SUMF1: variants seen among roughly 807,000 people sequenced by gnomAD.
SUMF1 encodes the protein sulfatase modifying factor 1.
Under a neutral mutation model 47.6 loss-of-function variants are expected in SUMF1, and 48 were observed. The ratio of observed to expected loss-of-function variants is 1.01; its 90% CI spans 0.80 to 1.28. The LOEUF (loss-of-function observed/expected upper bound fraction) is 1.28, where lower values mean the gene tolerates loss of function less well. SUMF1 is among the 50% of genes most tolerant of loss of function. The pLI, the probability that SUMF1 is intolerant of heterozygous loss-of-function variation, is 0.00. For synonymous variants in SUMF1, 230 were observed against 192.1 expected, an observed-to-expected ratio of 1.20 and a Z score of -1.63; for missense variants, 571 against 485.4, an observed-to-expected ratio of 1.18 and a Z score of -1.66.
intron 8 of SUMF1, among the ~76,000 whole-genome samples, chr3:4,226,264 C>CTTTTTTTTTTTTTTTTTTT (rs869300368): frequency 4.6e-5 from 4 of 86,988 alleles, no homozygotes; most frequent in African/African-American, 9.0e-5. Flanking sequence ...TTTTTTGTTT[C>CTTTTTTTTTTTTTTTTTTT]TTTTTTTTTT....
chr3:4,316,051 A>G (rs1378415042), intron 8 of SUMF1, among the ~76,000 whole-genome samples: 11 of 151,062 alleles, frequency 7.3e-5, no homozygotes, highest in Admixed American at 3.3e-4. Context: ...TGTCTCAAAA[A>G]AAAAAAAAAA....
chr3:4,265,895 T>C (rs1390508284), intron 8 of SUMF1, among the ~76,000 whole-genome samples: 2 of 152,130 alleles, frequency 1.3e-5, no homozygotes, highest in African/African-American at 2.4e-5. Context: ...CCATCTTGAA[T>C]TGATTTTTGT....
chr3:4,098,878 T>A (rs760059584), intron 8 of SUMF1, among the ~76,000 whole-genome samples: 1 of 152,134 alleles, frequency 6.6e-6, no homozygotes, highest in African/African-American at 2.4e-5. Flanking sequence ...TTTCTGACAA[T>A]TGCAATTTTT....
intron 1 of SUMF1, among the ~76,000 whole-genome samples, chr3:4,455,255 A>G (rs1703115911): frequency 1.3e-5 from 2 of 152,248 alleles, no homozygotes; most frequent in Admixed American, 1.3e-4. Flanking sequence ...ATATCACAGA[A>G]TAAAACGGAT....
At chr3:4,169,747 C>A (rs1694791804) in intron 8 of SUMF1, among the ~76,000 whole-genome samples, 1 of 152,128 alleles carries the variant, frequency 6.6e-6, no homozygotes, top group Non-Finnish European at 1.5e-5. Context: ...AGGGCTTGTG[C>A]AAACGGCATG....
At chr3:4,261,132 C>T (rs1470325088) in intron 8 of SUMF1, among the ~76,000 whole-genome samples, 1 of 152,212 alleles carries the variant, frequency 6.6e-6, no homozygotes, top group Non-Finnish European at 1.5e-5. Flanking sequence ...AGCAAGGAAA[C>T]AAACACATCT....
At chr3:4,200,126 G>A (rs1695510495) in intron 8 of SUMF1, among the ~76,000 whole-genome samples, 2 of 148,438 alleles carry the variant, frequency 1.3e-5, no homozygotes. Flanking sequence ...TTAGATCTAT[G>A]ATCCACTTTG....
At chr3:4,069,423 T>C (rs1695463533) in intron 8 of SUMF1, among the ~76,000 whole-genome samples, 1 of 152,166 alleles carries the variant, frequency 6.6e-6, no homozygotes, top group African/African-American at 2.4e-5. Context: ...TCTTAATAAT[T>C]TTATCACTGA....
intron 8 of SUMF1, chr3:4,313,182 T>TA: frequency 6.2e-7 from 1 of 1,614,002 alleles, no homozygotes; most frequent in Non-Finnish European, 8.5e-7. Flanking sequence ...TCAAGACGCA[T>TA]AAAAAAGGCT....
chr3:4,097,517 C>A (rs1046861153), intron 8 of SUMF1, among the ~76,000 whole-genome samples: 14 of 152,062 alleles, frequency 9.2e-5, no homozygotes, highest in African/African-American at 3.4e-4. Context: ...CACACCACTG[C>A]ACTCCAGCCT....
At chr3:4,225,077 T>C (rs777702947) in intron 8 of SUMF1, among the ~76,000 whole-genome samples, 10 of 151,892 alleles carry the variant, frequency 6.6e-5, no homozygotes, top group Non-Finnish European at 1.2e-4. Context: ...CCAAATTAAT[T>C]ACAGTAGAAA....
intron 8 of SUMF1, among the ~76,000 whole-genome samples, chr3:4,350,191 AAAAATCACCATTTTTTAGTATAT>A (rs1181451941): frequency 1.9e-4 from 29 of 151,620 alleles, no homozygotes; most frequent in African/African-American, 6.5e-4. Context: ...TTTAGTATTA[AAAAATCACCATTTTTTAGTATAT>A]AAAATCACCA....
At chr3:4,189,523 C>T (rs1695271157) in intron 8 of SUMF1, among the ~76,000 whole-genome samples, 2 of 152,058 alleles carry the variant, frequency 1.3e-5, no homozygotes, top group Admixed American at 1.3e-4. Context: ...CAAGATCATG[C>T]TTAACCTATT....
chr3:4,277,983 A>G (rs1203875108), intron 8 of SUMF1, among the ~76,000 whole-genome samples: 1 of 152,190 alleles, frequency 6.6e-6, no homozygotes, highest in Non-Finnish European at 1.5e-5. Flanking sequence ...CAAAGGAAAA[A>G]ATTATGTAGA....
At chr3:4,230,498 C>A (rs1288351536) in intron 8 of SUMF1, among the ~76,000 whole-genome samples, 1 of 152,058 alleles carries the variant, frequency 6.6e-6, no homozygotes, top group Non-Finnish European at 1.5e-5. Flanking sequence ...TCAGGAAAGC[C>A]AGACGGAAAA....
chr3:4,413,641 G>A (rs1701616083), intron 6 of SUMF1, among the ~76,000 whole-genome samples: 1 of 151,986 alleles, frequency 6.6e-6, no homozygotes, highest in African/African-American at 2.4e-5. Flanking sequence ...GCTGATATGC[G>A]TTAAAGCCAA....
intron 8 of SUMF1, among the ~76,000 whole-genome samples, chr3:4,284,502 AAAG>A (rs1285052694): frequency 6.6e-6 from 1 of 150,958 alleles, no homozygotes; most frequent in African/African-American, 2.4e-5. Context: ...AGAAAGTACA[AAAG>A]AAGGGGCTTG....
At chr3:4,305,592 A>G (rs1021385681) in intron 8 of SUMF1, among the ~76,000 whole-genome samples, 1 of 152,188 alleles carries the variant, frequency 6.6e-6, no homozygotes, top group South Asian at 2.1e-4. Flanking sequence ...CTCCAGGGCA[A>G]TTTCAAGATA....
intron 9 of SUMF1, among the ~76,000 whole-genome samples, chr3:4,059,480 T>C (rs1450363013): frequency 6.6e-6 from 1 of 152,166 alleles, no homozygotes; most frequent in Non-Finnish European, 1.5e-5. Context: ...AAGAAGATGA[T>C]GGTGATAGTT....
Sources: gnomAD v4.1 joint callset for allele counts (sites outside exome capture counted in the v4.1 genomes callset) on GRCh38, gnomAD v4.1.1 for gene constraint, MANE v1.5 for transcripts, NCBI Gene and HGNC (gene_info 2026-07-23, HGNC 2026-07-21) for gene names.